The following OTUD7B variants were observed in gnomAD, a reference collection of about 807,000 sequenced individuals.
OTUD7B encodes the protein OTU domain-containing protein 7B.
A neutral mutation model predicts 82.2 loss-of-function variants in OTUD7B; 34 were observed. That is an observed-to-expected ratio of 0.41 (90% CI 0.31 to 0.55). The LOEUF (loss-of-function observed/expected upper bound fraction) is 0.55. OTUD7B is among the 20% of genes least tolerant of loss of function. OTUD7B has a pLI of 0.20. For missense variants in OTUD7B, 944 were observed against 1,062.1 expected (o/e 0.89, Z 1.55); for synonymous variants, 398 against 402.7 (o/e 0.99, Z 0.14).
chr1:150,027,167 C>T, the OTUD7B span, among the ~76,000 whole-genome samples: 2 of 152,120 alleles, frequency 1.3e-5, no homozygotes, highest in African/African-American at 2.4e-5. Context: ...AATCACCTAC[C>T]GAACCTAGCA....
chr1:149,973,909 G>C (rs1650108710), intron 2 of OTUD7B, among the ~76,000 whole-genome samples: 1 of 147,170 alleles, frequency 6.8e-6, no homozygotes. Flanking sequence ...CCAGGCTGGA[G>C]TGCAGTGGCA....
chr1:150,007,292 G>A (rs587600440), intron 1 of OTUD7B, among the ~76,000 whole-genome samples: 28 of 152,228 alleles, frequency 1.8e-4, no homozygotes, highest in Non-Finnish European at 3.2e-4. Flanking sequence ...AAAAATAGCC[G>A]CAAGGTCTGA....
chr1:149,971,160 C>A lies in OTUD7B; in HGVS notation c.177G>T (p.Gly59=), dbSNP rs115499155. Residue 59 remains glycine (G), a synonymous_variant, in exon 3 of 12, where the codon GGG becomes GGT. Transcript: ENST00000581312. The part of the protein sequence containing the change: ...AGNLPPSFSE[G]SGGSRTPEKG... ...TTTCAGGGGTCCTGGAGCCACCACT[C>A]CCCTCACTAAAGGATGGGGGTAGGT... 1 of 1,613,796 alleles carries A rather than the reference C, an allele frequency of 6.2e-7. No individual in the cohort carries two copies.
At chr1:149,951,337 C>T (rs1269674652) in intron 7 of OTUD7B, among the ~76,000 whole-genome samples, 7 of 150,122 alleles carry the variant, frequency 4.7e-5, no homozygotes, top group African/African-American at 1.7e-4. Flanking sequence ...ATCTCCTGAC[C>T]TCGTGATCCG....
intron 1 of OTUD7B, among the ~76,000 whole-genome samples, chr1:150,007,706 C>G (rs1211774174): frequency 1.3e-5 from 2 of 152,154 alleles, no homozygotes; most frequent in Non-Finnish European, 2.9e-5. Flanking sequence ...AAACAACTCT[C>G]TTCTATTATA....
intron 1 of OTUD7B, among the ~76,000 whole-genome samples, chr1:149,987,085 TC>T (rs1264897487): frequency 6.6e-6 from 1 of 152,178 alleles, no homozygotes; most frequent in Non-Finnish European, 1.5e-5. Context: ...CATTTAAACT[TC>T]CAAACAACTC....
chr1:150,051,851 ATTTACT>A, the OTUD7B span, among the ~76,000 whole-genome samples: 3,322 of 152,272 alleles, frequency 0.022, 109 homozygotes, highest in African/African-American at 0.073. Flanking sequence ...AAAGTTTATG[ATTTACT>A]TTTACAATAT....
intron 1 of OTUD7B, among the ~76,000 whole-genome samples, chr1:150,004,431 A>C (rs981995861): frequency 6.6e-6 from 1 of 151,768 alleles, no homozygotes; most frequent in Admixed American, 6.6e-5. Flanking sequence ...ATGCTGGTGC[A>C]CGCCTGTAAT....
At chr1:150,015,290 C>CTTTTTTTTTTTTTTTTTTTTTTTTTTT (rs60374988), upstream of OTUD7B, among the ~76,000 whole-genome samples, 1 of 128,974 alleles carries the variant, frequency 7.8e-6, no homozygotes. Flanking sequence ...TTTTCTTTCT[C>CTTTTTTTTTTTTTTTTTTTTTTTTTTT]TTTTTTTTTT....
chr1:150,001,150 T>G (rs1360587324), intron 1 of OTUD7B, among the ~76,000 whole-genome samples: 1 of 152,080 alleles, frequency 6.6e-6, no homozygotes, highest in Non-Finnish European at 1.5e-5. Flanking sequence ...CATTTAATAT[T>G]TTAAAGGGAG....
chr1:150,059,050 TTTC>T, the OTUD7B span, among the ~76,000 whole-genome samples: 8 of 149,358 alleles, frequency 5.4e-5, 1 homozygote, highest in African/African-American at 2.0e-4. Context: ...CTTACTTTCT[TTTC>T]TTTTTTTTTT....
At chr1:149,962,725 A>G (rs185059686) in intron 6 of OTUD7B, 9 of 152,316 alleles carry the variant, frequency 5.9e-5, no homozygotes, top group Admixed American at 3.9e-4. Context: ...TGTCATTTCT[A>G]CTTAATAGTT....
chr1:150,059,892 G>A, the OTUD7B span, among the ~76,000 whole-genome samples: 68 of 152,132 alleles, frequency 4.5e-4, 3 homozygotes, highest in South Asian at 0.012. Flanking sequence ...AGTTGGAAGG[G>A]TTCAGACCAA....
intron 7 of OTUD7B, among the ~76,000 whole-genome samples, chr1:149,953,446 T>C (rs587696771): frequency 2.0e-5 from 3 of 152,368 alleles, no homozygotes; most frequent in Non-Finnish European, 4.4e-5. Context: ...TTTTGGTTAC[T>C]GCAGCCTTGT....
At chr1:150,007,193 A>G (rs1197527727) in intron 1 of OTUD7B, among the ~76,000 whole-genome samples, 1 of 152,092 alleles carries the variant, frequency 6.6e-6, no homozygotes, top group Non-Finnish European at 1.5e-5. Context: ...CTTTTCTTTT[A>G]TTCCCAACAC....
intron 1 of OTUD7B, among the ~76,000 whole-genome samples, chr1:149,978,425 T>C: frequency 6.6e-6 from 1 of 152,158 alleles, no homozygotes; most frequent in East Asian, 1.9e-4. Flanking sequence ...GAGAATCCCT[T>C]GAACCTACGT....
chr1:150,020,151 C>A, the OTUD7B span, among the ~76,000 whole-genome samples: 1 of 151,972 alleles, frequency 6.6e-6, no homozygotes, highest in Non-Finnish European at 1.5e-5. Flanking sequence ...CACAATCAAC[C>A]CCAACTGTAG....
chr1:150,039,408 C>G, the OTUD7B span, among the ~76,000 whole-genome samples: 1 of 151,646 alleles, frequency 6.6e-6, no homozygotes. Flanking sequence ...GACGGATTCT[C>G]GCTCTGTCAC....
At position 149,974,347 on chromosome 1, in the gene OTUD7B, T is replaced by C. The variant is rs145952127; in HGVS notation, c.85+3079A>G. On this transcript the variant is annotated intron_variant, in intron 2 of 11. Transcript: ENST00000581312. ...CCTGAACTAAGGCAATATTCCTAAC[T>C]GTTTTAATCATTTCTTCTCTGGCCA... 7.6e-3 allele frequency among the ~76,000 whole-genome samples: 1,164 copies of C among 152,280 alleles called. 10 individuals are homozygous for C. Among genetic ancestry groups the C allele is most frequent in the Non-Finnish European group, 0.013 (914 of 68,012 alleles).
Sources: allele counts gnomAD v4.1 joint callset (sites outside exome capture counted in the v4.1 genomes callset), GRCh38; gene constraint gnomAD v4.1.1; transcripts MANE v1.5; gene names NCBI Gene and HGNC (gene_info 2026-07-23, HGNC 2026-07-21).